SEMA6D: variants seen among roughly 807,000 people sequenced by gnomAD.
SEMA6D encodes semaphorin 6D.
A neutral mutation model predicts 106.6 loss-of-function variants in SEMA6D; 35 were observed. The observed-to-expected ratio is 0.33, with a 90% CI of 0.25 to 0.44. The LOEUF (loss-of-function observed/expected upper bound fraction) is 0.44, where lower values mean the gene tolerates loss of function less well. Among genes scored for constraint, SEMA6D ranks in the 20% least tolerant of loss-of-function variants. The pLI is 1.00. For missense variants in SEMA6D, 1,185 were observed against 1,345.9 expected (o/e 0.88, Z 1.87); for synonymous variants, 499 against 487.7 (o/e 1.02, Z -0.31).
intron 1 of SEMA6D, among the ~76,000 whole-genome samples, chr15:47,310,579 CA>C (rs2036410094): frequency 8.7e-6 from 1 of 115,558 alleles, no homozygotes; most frequent in African/African-American, 2.5e-5. Context: ...AAATATAGTT[CA>C]TGTTTTTTTT....
At chr15:47,762,052 T>C in intron 7 of SEMA6D, 148 bp from the exon 8 acceptor site, 2 of 885,664 alleles carry the variant, frequency 2.3e-6, no homozygotes, top group Non-Finnish European at 3.4e-6. Context: ...ACCTGTCACA[T>C]GTTGATGGTG....
intron 1 of SEMA6D, among the ~76,000 whole-genome samples, chr15:47,201,401 A>AGAAATGTGGT (rs934483844): frequency 3.3e-5 from 5 of 152,240 alleles, no homozygotes; most frequent in African/African-American, 1.2e-4. Context: ...GGAAAGAAAT[A>AGAAATGTGGT]GAAATGTGGT....
At chr15:47,765,173 T>G in intron 13 of SEMA6D, 117 bp downstream of exon 13, 1 of 1,460,316 alleles carries the variant, frequency 6.8e-7, no homozygotes, top group Non-Finnish European at 9.0e-7. Flanking sequence ...TAATAGTGTT[T>G]TGTGTTTTTT....
chr15:47,386,625 C>A (rs1038880148), intron 1 of SEMA6D, among the ~76,000 whole-genome samples: 2 of 152,110 alleles, frequency 1.3e-5, no homozygotes, highest in Admixed American at 1.3e-4. Flanking sequence ...TAGGCATGGA[C>A]CTGTCTTAGT....
At chr15:47,678,930 T>C (rs990288785) in intron 4 of SEMA6D, among the ~76,000 whole-genome samples, 1 of 152,178 alleles carries the variant, frequency 6.6e-6, no homozygotes, top group Non-Finnish European at 1.5e-5. Flanking sequence ...GATGTTAAAA[T>C]GGGAATGAAA....
intron 3 of SEMA6D, among the ~76,000 whole-genome samples, chr15:47,597,941 A>G (rs1478976831): frequency 6.6e-6 from 1 of 151,198 alleles, no homozygotes; most frequent in East Asian, 1.9e-4. Flanking sequence ...AAATAAAATT[A>G]AATTTAAAAA....
intron 3 of SEMA6D, among the ~76,000 whole-genome samples, chr15:47,517,705 TTTTG>T (rs1330172121): frequency 2.0e-5 from 3 of 152,146 alleles, no homozygotes; most frequent in Admixed American, 2.0e-4. Flanking sequence ...TCATGCCACT[TTTTG>T]TTTGTTTGTC....
At chr15:47,316,028 A>G (rs549732503) in intron 1 of SEMA6D, among the ~76,000 whole-genome samples, 60 of 150,300 alleles carry the variant, frequency 4.0e-4, no homozygotes, top group African/African-American at 1.4e-3. Context: ...TGGATTTTCT[A>G]CATATATGAT....
chr15:47,318,746 A>G (rs2036798536), intron 1 of SEMA6D, among the ~76,000 whole-genome samples: 1 of 136,790 alleles, frequency 7.3e-6, no homozygotes, highest in Non-Finnish European at 1.6e-5. Flanking sequence ...ATGTGTCTTT[A>G]TAGCAGCATG....
chr15:47,331,370 T>C (rs2037333583), intron 1 of SEMA6D, among the ~76,000 whole-genome samples: 1 of 152,122 alleles, frequency 6.6e-6, no homozygotes, highest in South Asian at 2.1e-4. Context: ...TTATTTAGAA[T>C]AGTGAAAAAT....
At chr15:47,285,912 T>C (rs575040999) in intron 1 of SEMA6D, among the ~76,000 whole-genome samples, 1 of 152,360 alleles carries the variant, frequency 6.6e-6, no homozygotes, top group East Asian at 1.9e-4. Flanking sequence ...AACTTATTAC[T>C]AACATTTTAT....
intron 2 of SEMA6D, among the ~76,000 whole-genome samples, chr15:47,457,746 G>T (rs1258520031): frequency 1.3e-5 from 2 of 151,730 alleles, no homozygotes; most frequent in African/African-American, 2.4e-5. Context: ...GAAATAATGG[G>T]TGAAAATTTA....
At chr15:47,519,213 G>A (rs549291114) in intron 3 of SEMA6D, among the ~76,000 whole-genome samples, 1 of 152,290 alleles carries the variant, frequency 6.6e-6, no homozygotes, top group South Asian at 2.1e-4. Flanking sequence ...CAAGTGTTAT[G>A]TTCTACACGT....
At chr15:47,638,074 T>C (rs1043096088) in intron 4 of SEMA6D, among the ~76,000 whole-genome samples, 6 of 152,048 alleles carry the variant, frequency 3.9e-5, no homozygotes, top group African/African-American at 1.5e-4. Flanking sequence ...ACTAGCTATC[T>C]TTGCTGCTTG....
chr15:47,686,467 G>T (rs987437672), intron 4 of SEMA6D, among the ~76,000 whole-genome samples: 1 of 152,196 alleles, frequency 6.6e-6, no homozygotes, highest in East Asian at 1.9e-4. Context: ...TGCAAGAAAA[G>T]CCATCTCAAA....
intron 2 of SEMA6D, among the ~76,000 whole-genome samples, chr15:47,415,070 G>A (rs538187450): frequency 3.9e-5 from 6 of 152,242 alleles, no homozygotes; most frequent in Non-Finnish European, 8.8e-5. Flanking sequence ...CTAGAAAGTT[G>A]ATTCCTTATT....
rs148250293 is a variant in SEMA6D, at chr15:47,255,705, T to C, written c.-239+71287T>C. On this transcript the variant is annotated intron_variant, in intron 1 of 19. Coordinates refer to the SEMA6D transcript ENST00000558014. ...AAAAATTTATCAAAATAGTTTTTAA[T>C]TGTATCACTTTTTCTCTTTATGGAT... 6.5e-3 allele frequency among the ~76,000 whole-genome samples: 987 copies of C among 152,296 alleles called. 7 individuals are homozygous for C. The highest frequency in any genetic ancestry group is 0.012 in the Non-Finnish European group (805 of 68,008).
chr15:47,351,329 A>T (rs1224951107), intron 1 of SEMA6D, among the ~76,000 whole-genome samples: 1 of 152,160 alleles, frequency 6.6e-6, no homozygotes, highest in Non-Finnish European at 1.5e-5. Context: ...ATTGAGTTCT[A>T]AAGGTTAATC....
chr15:47,386,146 G>T, intron 1 of SEMA6D, among the ~76,000 whole-genome samples: 1 of 151,954 alleles, frequency 6.6e-6, no homozygotes, highest in East Asian at 1.9e-4. Flanking sequence ...GGTTCAAGGG[G>T]CTCAACATCT....
Sources: allele counts gnomAD v4.1 joint callset (sites outside exome capture counted in the v4.1 genomes callset), GRCh38; gene constraint gnomAD v4.1.1; transcripts MANE v1.5; gene names NCBI Gene and HGNC (gene_info 2026-07-23, HGNC 2026-07-21).